GRIN2A: variants seen among roughly 807,000 people sequenced by gnomAD.
GRIN2A encodes the protein glutamate receptor ionotropic, NMDA 2A.
GRIN2A carries 22 observed loss-of-function variants against 113.4 expected under a neutral mutation model. The observed-to-expected ratio is 0.19, with a 90% confidence interval of 0.14 to 0.28. The LOEUF (loss-of-function observed/expected upper bound fraction) is 0.28, where lower values mean the gene tolerates loss of function less well. Among genes scored for constraint, GRIN2A ranks in the 10% least tolerant of loss-of-function variants. GRIN2A has a pLI of 1.00. For missense variants in GRIN2A, 1,502 were observed against 1,887.0 expected (o/e 0.80, Z 3.78); for synonymous variants, 827 against 738.4 (o/e 1.12, Z -1.94).
chr16:10,005,901 C>A (rs1396906313), intron 2 of GRIN2A, among the ~76,000 whole-genome samples: 1 of 152,208 alleles, frequency 6.6e-6, no homozygotes, highest in Non-Finnish European at 1.5e-5. Flanking sequence ...GTGACACACA[C>A]ATTTACACAA....
At chr16:10,038,062 A>G (rs79457840) in intron 2 of GRIN2A, among the ~76,000 whole-genome samples, 1 of 149,946 alleles carries the variant, frequency 6.7e-6, no homozygotes, top group African/African-American at 2.5e-5. Context: ...CAAAACACAT[A>G]AACTGCGCGT....
At chr16:10,090,366 C>T (rs148212460) in intron 2 of GRIN2A, among the ~76,000 whole-genome samples, 78 of 152,140 alleles carry the variant, frequency 5.1e-4, no homozygotes, top group Non-Finnish European at 9.7e-4. Context: ...CAAAACTGAA[C>T]GTTTAGAAAT....
intron 2 of GRIN2A, among the ~76,000 whole-genome samples, chr16:10,042,473 A>G (rs966423377): frequency 2.0e-5 from 3 of 152,190 alleles, no homozygotes; most frequent in Non-Finnish European, 4.4e-5. Context: ...CTCCAGCCTC[A>G]GTCCAGCCTT....
intron 2 of GRIN2A, chr16:10,112,799 G>A (rs899095999): frequency 1.5e-6 from 1 of 669,912 alleles, no homozygotes; most frequent in Non-Finnish European, 2.8e-6. Flanking sequence ...ACTCAGGAGA[G>A]CTCAAATTTG....
chr16:10,131,963 A>T (rs925091129), intron 2 of GRIN2A, among the ~76,000 whole-genome samples: 4 of 152,136 alleles, frequency 2.6e-5, no homozygotes, highest in Admixed American at 6.5e-5. Flanking sequence ...TACCACCATT[A>T]TTCTCCTCTA....
intron 10 of GRIN2A, among the ~76,000 whole-genome samples, chr16:9,818,686 A>G (rs918765750): frequency 6.6e-6 from 1 of 152,242 alleles, no homozygotes; most frequent in Non-Finnish European, 1.5e-5. Flanking sequence ...TTTACTGAGA[A>G]AAGTGCAAAT....
chr16:9,951,124 T>C (rs1036480026), intron 2 of GRIN2A, among the ~76,000 whole-genome samples: 1 of 152,092 alleles, frequency 6.6e-6, no homozygotes, highest in African/African-American at 2.4e-5. Flanking sequence ...AGATCAACCC[T>C]TCCCCAGCAC....
At chr16:9,873,789 G>C (rs9302396) in intron 4 of GRIN2A, among the ~76,000 whole-genome samples, 51,838 of 152,002 alleles carry the variant, frequency 0.34, 10,539 homozygotes, top group African/African-American at 0.57. Context: ...TTGTTGCCCT[G>C]CTTTCCTATG....
intron 10 of GRIN2A, among the ~76,000 whole-genome samples, chr16:9,811,666 C>T (rs2042089640): frequency 6.6e-6 from 1 of 152,204 alleles, no homozygotes; most frequent in East Asian, 1.9e-4. Flanking sequence ...TGCTGAGGCA[C>T]GAGAATCACT....
intron 2 of GRIN2A, among the ~76,000 whole-genome samples, chr16:10,041,547 G>C: frequency 6.6e-6 from 1 of 152,178 alleles, no homozygotes; most frequent in Non-Finnish European, 1.5e-5. Context: ...TAAGGGCTCT[G>C]AGTGGGGCCT....
intron 2 of GRIN2A, among the ~76,000 whole-genome samples, chr16:10,151,403 C>T (rs1190793487): frequency 6.6e-6 from 1 of 152,192 alleles, no homozygotes; most frequent in Non-Finnish European, 1.5e-5. Context: ...GAGGTAACAA[C>T]TTGCACCAAG....
intron 10 of GRIN2A, among the ~76,000 whole-genome samples, chr16:9,801,926 G>T (rs916363074): frequency 5.3e-5 from 8 of 152,196 alleles, no homozygotes; most frequent in African/African-American, 1.9e-4. Flanking sequence ...GAGAGCTGGG[G>T]CCTACACACA....
intron 4 of GRIN2A, among the ~76,000 whole-genome samples, chr16:9,888,847 G>T (rs1006123500): frequency 2.0e-5 from 3 of 151,692 alleles, no homozygotes; most frequent in African/African-American, 7.3e-5. Context: ...TGCTTTTTCC[G>T]CATCTATTGA....
intron 2 of GRIN2A, among the ~76,000 whole-genome samples, chr16:10,146,325 C>T (rs986749711): frequency 6.6e-6 from 1 of 152,146 alleles, no homozygotes; most frequent in Non-Finnish European, 1.5e-5. Flanking sequence ...ACCATGTTGG[C>T]CAGGCTGGTC....
At chr16:9,877,854 C>G (rs550470674) in intron 4 of GRIN2A, among the ~76,000 whole-genome samples, 2 of 94,894 alleles carry the variant, frequency 2.1e-5, no homozygotes, top group African/African-American at 1.2e-4. Context: ...CTCCCTAGCC[C>G]TCTCCCTGCC....
intron 3 of GRIN2A, among the ~76,000 whole-genome samples, chr16:9,904,526 C>A (rs981000547): frequency 1.3e-5 from 2 of 152,148 alleles, no homozygotes; most frequent in African/African-American, 4.8e-5. Context: ...TGTGCACCAC[C>A]AAGCCCAGCT....
chr16:10,037,056 A>T (rs971587000), intron 2 of GRIN2A: 1 of 152,030 alleles, frequency 6.6e-6, no homozygotes, highest in Non-Finnish European at 1.5e-5. Flanking sequence ...ACAACTCATT[A>T]TTTGCCTTGA....
chr16:9,987,412 A>G (rs934834887), intron 2 of GRIN2A, among the ~76,000 whole-genome samples: 8 of 152,338 alleles, frequency 5.3e-5, no homozygotes, highest in African/African-American at 1.9e-4. Flanking sequence ...TTTTCTTTGT[A>G]TACTGTTAGG....
intron 2 of GRIN2A, among the ~76,000 whole-genome samples, chr16:10,034,765 G>C (rs1677376588): frequency 6.6e-6 from 1 of 152,034 alleles, no homozygotes; most frequent in Non-Finnish European, 1.5e-5. Context: ...ACATTGGTGT[G>C]ACCCCTCCAC....
Sources: gnomAD v4.1 joint callset for allele counts (sites outside exome capture counted in the v4.1 genomes callset) on GRCh38, gnomAD v4.1.1 for gene constraint, MANE v1.5 for transcripts, NCBI Gene and HGNC (gene_info 2026-07-23, HGNC 2026-07-21) for gene names.